THSD7B: variants seen among roughly 807,000 people sequenced by gnomAD.
THSD7B encodes thrombospondin type 1 domain containing 7B.
A neutral mutation model predicts 213.6 loss-of-function variants in THSD7B; 138 were observed. The ratio of observed to expected loss-of-function variants is 0.65; its 90% confidence interval spans 0.56 to 0.74. The LOEUF is 0.74. THSD7B is among the 30% of genes least tolerant of loss of function. The pLI is 0.00. For missense variants in THSD7B, 1,931 were observed against 1,991.5 expected (o/e 0.97, Z 0.58); for synonymous variants, 742 against 687.0 (o/e 1.08, Z -1.25).
chr2:136,803,274 A>G (rs1682222335), intron 1 of THSD7B, among the ~76,000 whole-genome samples: 1 of 152,170 alleles, frequency 6.6e-6, no homozygotes, highest in South Asian at 2.1e-4. Context: ...GAAGAAGTGA[A>G]TGTACTACCA....
Position 137,458,773 on chromosome 2 carries a change from CCTT to C in THSD7B, c.3138+7754_3138+7756del, listed in dbSNP as rs1210315982. Among the ~76,000 whole-genome samples, 3 of 152,050 alleles carry C rather than the reference CCTT, an allele frequency of 2.0e-5. No individual in the cohort carries two copies. The East Asian group carries it at 5.8e-4, about 29-fold the overall frequency. The stretch of plus-strand genomic sequence containing the variant: ...GCTTCATCTTCAACAGTGTCTAATA[CCTT>C]CTTAAAATGAGTTATCTTCTTGTAA... On this transcript the variant is annotated intron_variant, in intron 15 of 27. Coordinates refer to ENST00000409968, the MANE Select transcript of THSD7B (RefSeq NM_001316349.2).
chr2:137,049,235 C>T (rs937463645), intron 2 of THSD7B, among the ~76,000 whole-genome samples: 10 of 152,252 alleles, frequency 6.6e-5, no homozygotes, highest in East Asian at 5.8e-4. Context: ...AGACGGGTGG[C>T]GGGGCCTTCG....
intron 2 of THSD7B, among the ~76,000 whole-genome samples, chr2:136,905,132 G>T (rs1379397576): frequency 6.6e-6 from 1 of 152,194 alleles, no homozygotes; most frequent in African/African-American, 2.4e-5. Context: ...GAAATCACTG[G>T]TAGAGGTGAA....
chr2:136,984,865 G>T (rs929584442), intron 2 of THSD7B, among the ~76,000 whole-genome samples: 1 of 152,158 alleles, frequency 6.6e-6, no homozygotes, highest in Admixed American at 6.5e-5. Flanking sequence ...GTCTCAAATG[G>T]AAATGAGGAA....
intron 3 of THSD7B, among the ~76,000 whole-genome samples, chr2:137,087,679 T>G (rs1346066148): frequency 6.6e-6 from 1 of 152,210 alleles, no homozygotes; most frequent in Middle Eastern, 3.2e-3. Flanking sequence ...ACACATCCCA[T>G]GCTTATGGAT....
chr2:136,951,047 A>G (rs1186208058), intron 2 of THSD7B, among the ~76,000 whole-genome samples: 1 of 152,096 alleles, frequency 6.6e-6, no homozygotes, highest in African/African-American at 2.4e-5. Flanking sequence ...GGCTTCCACC[A>G]TTGATTTGGT....
At chr2:137,479,647 GTGGGGGT>G (rs1424357549) in intron 15 of THSD7B, among the ~76,000 whole-genome samples, 1 of 152,212 alleles carries the variant, frequency 6.6e-6, no homozygotes, top group Non-Finnish European at 1.5e-5. Flanking sequence ...TCTGGGGATA[GTGGGGGT>G]TGCTGCCAAT....
At chr2:137,635,878 T>A (rs905723700) in intron 20 of THSD7B, among the ~76,000 whole-genome samples, 3 of 152,146 alleles carry the variant, frequency 2.0e-5, no homozygotes, top group Non-Finnish European at 2.9e-5. Flanking sequence ...AATTTTTGTA[T>A]TTTTAGTAGA....
intron 14 of THSD7B, among the ~76,000 whole-genome samples, chr2:137,423,225 C>A (rs1686966489): frequency 6.6e-6 from 1 of 152,010 alleles, no homozygotes; most frequent in South Asian, 2.1e-4. Flanking sequence ...TTCCTGAGAT[C>A]AGGGAAAAAA....
chr2:137,611,567 CAT>C (rs1682290152), intron 17 of THSD7B, among the ~76,000 whole-genome samples: 1 of 152,022 alleles, frequency 6.6e-6, no homozygotes. Flanking sequence ...TGGTGACTGA[CAT>C]ATAGTAAACA....
chr2:137,309,034 G>A lies in THSD7B; in HGVS notation c.2500+33008G>A, dbSNP rs1315346397. Among the ~76,000 whole-genome samples, 7 of 152,082 alleles carry A rather than the reference G, an allele frequency of 4.6e-5. No individual in the cohort carries two copies. In the South Asian group the frequency reaches 1.3e-3, roughly 27 times the overall value. On this transcript the variant is annotated intron_variant, in intron 12 of 27. Transcript: ENST00000409968. ...CTATAAGTGGAATTTGTGAGTCAAA[G>A]AGCAGGAATCTATAAAGTTTTTCGT...
intron 1 of THSD7B, among the ~76,000 whole-genome samples, chr2:136,817,783 A>G (rs1230291937): frequency 1.3e-5 from 2 of 150,068 alleles, no homozygotes; most frequent in Non-Finnish European, 3.0e-5. Flanking sequence ...GCAGCCAAAA[A>G]ACACATGAAA....
chr2:137,169,761 C>T lies in THSD7B; in HGVS notation c.1526-980C>T, dbSNP rs568540047. Reference sequence around the variant, plus strand: ...TTTAGAAGTGGTATATCATGGGGGCCAGAGATTGAAAATTTACACTAAAGG... The same window carrying T: ...TTTAGAAGTGGTATATCATGGGGGCTAGAGATTGAAAATTTACACTAAAGG... On this transcript the variant is annotated intron_variant, in intron 6 of 27. Transcript: ENST00000409968. Among the ~76,000 whole-genome samples, 131 of 152,190 alleles carry T rather than the reference C, an allele frequency of 8.6e-4. 1 individual carries two copies. Among genetic ancestry groups the T allele is most frequent in the African/African-American group, 3.0e-3 (124 of 41,510 alleles).
chr2:137,288,544 TAGA>T (rs1683240034), intron 12 of THSD7B, among the ~76,000 whole-genome samples: 1 of 151,972 alleles, frequency 6.6e-6, no homozygotes, highest in South Asian at 2.1e-4. Context: ...AGGAATGGAT[TAGA>T]AGGAGTCTAC....
At chr2:137,391,694 A>AAG (rs1686032437) in intron 12 of THSD7B, among the ~76,000 whole-genome samples, 1 of 151,642 alleles carries the variant, frequency 6.6e-6, no homozygotes, top group African/African-American at 2.4e-5. Flanking sequence ...CTCAAAAAAA[A>AAG]AAAAAAACCA....
chr2:137,188,162 A>G (rs1680586211), intron 7 of THSD7B, among the ~76,000 whole-genome samples: 1 of 152,204 alleles, frequency 6.6e-6, no homozygotes, highest in Non-Finnish European at 1.5e-5. Context: ...AAAGAATCGT[A>G]GGCATTGAAT....
At chr2:137,334,266 G>A (rs1403678275) in intron 12 of THSD7B, among the ~76,000 whole-genome samples, 1 of 151,686 alleles carries the variant, frequency 6.6e-6, no homozygotes, top group Admixed American at 6.6e-5. Context: ...GAGGAAAGAA[G>A]GAGAGAAGTA....
At chr2:136,909,122 G>T (rs1684218168) in intron 2 of THSD7B, among the ~76,000 whole-genome samples, 1 of 152,114 alleles carries the variant, frequency 6.6e-6, no homozygotes, top group Admixed American at 6.5e-5. Flanking sequence ...GGTGGAGGTT[G>T]CAGTGAGCCA....
intron 26 of THSD7B, among the ~76,000 whole-genome samples, chr2:137,665,439 ATG>A (rs1245391279): frequency 6.6e-6 from 1 of 151,748 alleles, no homozygotes; most frequent in Non-Finnish European, 1.5e-5. Context: ...TATAAATTGC[ATG>A]TGTGTGTGTG....
Sources: allele counts gnomAD v4.1 joint callset (sites outside exome capture counted in the v4.1 genomes callset), GRCh38; gene constraint gnomAD v4.1.1; transcripts MANE v1.5; gene names NCBI Gene and HGNC (gene_info 2026-07-23, HGNC 2026-07-21).